The following USP46 variants were observed in gnomAD, a reference collection of about 807,000 sequenced individuals.
USP46 encodes ubiquitin specific peptidase 46, also known as ubiquitin carboxyl-terminal hydrolase 46.
Under a neutral mutation model 44.4 loss-of-function variants are expected in USP46, and 12 were observed. That is an observed-to-expected ratio of 0.27 (90% CI 0.17 to 0.44). The LOEUF is 0.44. Ranked by LOEUF, USP46 falls within the 20% of genes least tolerant of loss-of-function variation. The pLI, the probability that USP46 is intolerant of heterozygous loss-of-function variation, is 1.00. For synonymous variants in USP46, 155 were observed against 161.5 expected (o/e 0.96, Z 0.31); for missense variants, 248 against 444.8 (o/e 0.56, Z 3.98).
chr4:52,599,019 G>C (rs1716350076), intron 7 of USP46, among the ~76,000 whole-genome samples: 1 of 152,210 alleles, frequency 6.6e-6, no homozygotes, highest in Non-Finnish European at 1.5e-5. Context: ...GTCAGGGGAA[G>C]AAGCAGTGAA....
At chr4:52,652,097 C>T (rs1478619155) in intron 1 of USP46, among the ~76,000 whole-genome samples, 7 of 152,058 alleles carry the variant, frequency 4.6e-5, no homozygotes, top group Admixed American at 4.6e-4. Flanking sequence ...TTCTCAGGCC[C>T]CTGAGTTGAA....
chr4:52,598,172 AAAATC>A (rs1328762122), intron 8 of USP46, among the ~76,000 whole-genome samples: 1 of 152,262 alleles, frequency 6.6e-6, no homozygotes, highest in African/African-American at 2.4e-5. Flanking sequence ...CTTTTATAAC[AAAATC>A]AATACATAGA....
At chr4:52,656,215 G>A (rs974501799) in intron 1 of USP46, 1 of 1,433,738 alleles carries the variant, frequency 7.0e-7, no homozygotes, top group Non-Finnish European at 9.6e-7. Context: ...AACCAGCTGG[G>A]ACCAAAGTTA....
At chr4:52,633,661 A>G (rs961082350) in intron 1 of USP46, among the ~76,000 whole-genome samples, 30 of 152,216 alleles carry the variant, frequency 2.0e-4, no homozygotes, top group African/African-American at 7.2e-4. Flanking sequence ...AGATACCATT[A>G]AATCTTTCTT....
intron 1 of USP46, among the ~76,000 whole-genome samples, chr4:52,658,829 G>T (rs1719058902): frequency 6.6e-6 from 1 of 151,910 alleles, no homozygotes; most frequent in African/African-American, 2.4e-5. Context: ...CTTCCCTCAA[G>T]CCGCTTCCAC....
Position 52,604,575 on chromosome 4 carries a change from G to A in USP46, c.648C>T (p.Ser216=), listed in dbSNP as rs1437728005. 6.2e-7 allele frequency: 1 copy of A among 1,601,514 alleles called. No individual in the cohort carries two copies. Among genetic ancestry groups the A allele is most frequent in the African/African-American group, 1.3e-5 (1 of 74,270 alleles). ...GTTCACTACACAGTGTTTCTGTGTT[G>A]CTGAAGTCTCTGTAGAGGAAAATAT... ...TSITHCLRDF[S]NTETLCSEQK... The change falls in exon 6 of 9, where the codon AGC becomes AGT. Residue 216 remains serine (S), a synonymous_variant. Transcript: ENST00000441222.
intron 2 of USP46, among the ~76,000 whole-genome samples, chr4:52,630,730 C>CT (rs1398279219): frequency 3.1e-5 from 3 of 97,462 alleles, no homozygotes; most frequent in Non-Finnish European, 5.9e-5. Flanking sequence ...GAGCAAGACT[C>CT]TGTCTCAAAA....
intron 1 of USP46, among the ~76,000 whole-genome samples, chr4:52,637,316 T>G (rs1287388046): frequency 6.6e-6 from 1 of 152,120 alleles, no homozygotes; most frequent in Non-Finnish European, 1.5e-5. Context: ...CTCACATGGC[T>G]TCAATCAGCT....
At chr4:52,616,214 C>A (rs188023237) in intron 4 of USP46, among the ~76,000 whole-genome samples, 12 of 152,328 alleles carry the variant, frequency 7.9e-5, no homozygotes, top group Admixed American at 7.8e-4. Context: ...TGACATCTAG[C>A]AGGTAGAAGC....
intron 4 of USP46, among the ~76,000 whole-genome samples, chr4:52,611,889 CA>C (rs987505658): frequency 6.1e-5 from 9 of 146,488 alleles, no homozygotes; most frequent in Admixed American, 1.4e-4. Flanking sequence ...GACCCTGTCT[CA>C]AAAAAAAAAG....
intron 2 of USP46, among the ~76,000 whole-genome samples, chr4:52,630,630 C>T (rs1440875377): frequency 6.6e-6 from 1 of 150,558 alleles, no homozygotes; most frequent in Non-Finnish European, 1.5e-5. Context: ...CCCAGCTACT[C>T]GGGAGGCTGA....
intron 1 of USP46, among the ~76,000 whole-genome samples, chr4:52,643,273 A>G (rs958782016): frequency 3.3e-5 from 5 of 152,170 alleles, no homozygotes; most frequent in African/African-American, 1.2e-4. Flanking sequence ...GTTCCTCCAC[A>G]GCCCTTAGCA....
At chr4:52,637,812 C>T (rs1453916952) in intron 1 of USP46, among the ~76,000 whole-genome samples, 1 of 152,162 alleles carries the variant, frequency 6.6e-6, no homozygotes, top group Non-Finnish European at 1.5e-5. Flanking sequence ...CTGCTGTTTC[C>T]AACCTCATCT....
intron 4 of USP46, among the ~76,000 whole-genome samples, chr4:52,619,762 A>G (rs112686951): frequency 4.6e-5 from 7 of 152,322 alleles, no homozygotes; most frequent in African/African-American, 1.7e-4. Flanking sequence ...GGTCCATCAG[A>G]TGCTGTTGAC....
chr4:52,606,103 C>T (rs181942506), intron 5 of USP46, among the ~76,000 whole-genome samples: 15 of 152,316 alleles, frequency 9.8e-5, no homozygotes, highest in African/African-American at 3.6e-4. Flanking sequence ...CTTGTCATTC[C>T]TATATCCCCA....
chr4:52,614,998 TAAA>T (rs1241185519), intron 4 of USP46, among the ~76,000 whole-genome samples: 2 of 151,758 alleles, frequency 1.3e-5, no homozygotes, highest in African/African-American at 4.8e-5. Flanking sequence ...GCAAAATCAC[TAAA>T]AATACACCCA....
chr4:52,647,247 T>C (rs1168598821), intron 1 of USP46, among the ~76,000 whole-genome samples: 1 of 152,240 alleles, frequency 6.6e-6, no homozygotes, highest in African/African-American at 2.4e-5. Flanking sequence ...ATGTACTCTT[T>C]GTGTTTTTAA....
At chr4:52,648,966 C>A (rs1453494772) in intron 1 of USP46, among the ~76,000 whole-genome samples, 1 of 152,202 alleles carries the variant, frequency 6.6e-6, no homozygotes, top group East Asian at 1.9e-4. Flanking sequence ...GTTGTCCTGT[C>A]ATCCACTACA....
intron 1 of USP46, among the ~76,000 whole-genome samples, chr4:52,639,370 T>TA (rs1718242408): frequency 1.3e-5 from 2 of 152,250 alleles, no homozygotes; most frequent in Admixed American, 1.3e-4. Context: ...GTGGGCCTGA[T>TA]ACAGCTGCTC....
Sources: allele counts gnomAD v4.1 joint callset (sites outside exome capture counted in the v4.1 genomes callset), GRCh38; gene constraint gnomAD v4.1.1; transcripts MANE v1.5; gene names NCBI Gene and HGNC (gene_info 2026-07-23, HGNC 2026-07-21).